NOL4: variants seen among roughly 807,000 people sequenced by gnomAD.
NOL4 encodes nucleolar protein 4.
Under a neutral mutation model 75.9 loss-of-function variants are expected in NOL4, and 17 were observed. The ratio of observed to expected loss-of-function variants is 0.22; its 90% confidence interval spans 0.15 to 0.34. NOL4 has a LOEUF of 0.34. NOL4 is among the 10% of genes least tolerant of loss of function. The pLI is 1.00. For missense variants in NOL4, 614 were observed against 793.5 expected, an observed-to-expected ratio of 0.77 and a Z score of 2.72; for synonymous variants, 292 against 289.9, an observed-to-expected ratio of 1.01 and a Z score of -0.07.
chr18:34,107,118 C>T (rs2079326823), intron 2 of NOL4, among the ~76,000 whole-genome samples: 1 of 152,098 alleles, frequency 6.6e-6, no homozygotes, highest in African/African-American at 2.4e-5. Context: ...TCTCTTTTCC[C>T]CATGCTAATG....
rs968810089 is a variant in NOL4, at chr18:34,049,080, A to G, written c.773-29479T>C. ...AGGTTAGATACAGGCGCGCGCACAC[A>G]CACACACACACACACACACACACAC... On this transcript the variant is annotated intron_variant, in intron 5 of 10. Transcript: ENST00000261592. Among the ~76,000 whole-genome samples the G allele has an allele frequency of 3.7e-3, 426 of 115,286 alleles. 1 individual carries two copies. Among genetic ancestry groups the G allele is most frequent in the Non-Finnish European group, 5.6e-3 (289 of 51,716 alleles). 75.6% of individuals were successfully genotyped at this position (115,286 alleles called of 152,430 possible).
At chr18:33,934,868 T>TG (rs1381437909) in intron 9 of NOL4, among the ~76,000 whole-genome samples, 1 of 150,556 alleles carries the variant, frequency 6.6e-6, no homozygotes, top group African/African-American at 2.4e-5. Flanking sequence ...GCACGTTTTT[T>TG]TTTTTTTTTT....
At chr18:34,072,436 C>T (rs2077563796) in intron 5 of NOL4, among the ~76,000 whole-genome samples, 1 of 146,352 alleles carries the variant, frequency 6.8e-6, no homozygotes, top group African/African-American at 2.5e-5. Context: ...TTAATAACAA[C>T]TTCAGTATAC....
intron 10 of NOL4, among the ~76,000 whole-genome samples, chr18:33,867,024 T>C (rs2144403075): frequency 6.6e-6 from 1 of 152,280 alleles, no homozygotes; most frequent in East Asian, 1.9e-4. Context: ...GAGAATCTTA[T>C]GATTTGTACT....
At chr18:34,083,700 C>T (rs1288108902) in intron 5 of NOL4, among the ~76,000 whole-genome samples, 1 of 152,126 alleles carries the variant, frequency 6.6e-6, no homozygotes, top group African/African-American at 2.4e-5. Flanking sequence ...ATATTTATGG[C>T]TGAGAGGTCT....
At chr18:34,191,141 T>C (rs1321905621) in intron 1 of NOL4, among the ~76,000 whole-genome samples, 1 of 152,124 alleles carries the variant, frequency 6.6e-6, no homozygotes, top group African/African-American at 2.4e-5. Flanking sequence ...GTCGTGGACA[T>C]GTGATAAAAC....
chr18:34,148,877 T>C (rs1271238922), intron 1 of NOL4, among the ~76,000 whole-genome samples: 1 of 151,982 alleles, frequency 6.6e-6, no homozygotes, highest in African/African-American at 2.4e-5. Flanking sequence ...AGGACTTGCT[T>C]TATAAATCTG....
At chr18:33,875,738 T>G (rs1440364197) in intron 10 of NOL4, among the ~76,000 whole-genome samples, 2 of 151,074 alleles carry the variant, frequency 1.3e-5, no homozygotes, top group African/African-American at 2.4e-5. Context: ...TTGATATCAT[T>G]CTATTTTTTC....
rs1237182931 is a variant in NOL4, at chr18:33,999,776, C to T, written c.1056+19542G>A. On this transcript the variant is annotated intron_variant, in intron 6 of 10. Coordinates refer to ENST00000261592, the MANE Select transcript of NOL4 (RefSeq NM_003787.5). ...AAGCAATTCTCCTGTCTCAGCCTCC[C>T]GAGTAGCTGGAACTACAGGCATGTA... Among the ~76,000 whole-genome samples, 11 of 152,004 alleles carry T rather than the reference C, an allele frequency of 7.2e-5. No homozygotes were observed. In the East Asian group the frequency reaches 7.8e-4, roughly 11 times the overall value.
intron 1 of NOL4, among the ~76,000 whole-genome samples, chr18:34,204,757 T>C (rs2036002162): frequency 6.6e-6 from 1 of 152,014 alleles, no homozygotes; most frequent in Non-Finnish European, 1.5e-5. Context: ...ATACCAATTA[T>C]ATAAGAAAAA....
rs2065917981 is a variant in NOL4 at position 33,904,489 on chromosome 18, G to A, written c.1543-21065C>T. ...TCATGTTATCCCTCCTCCCTTTTATGGTTTAGAGAAAATAACTCAGCAGAC... is the reference window on the plus strand; with the variant it reads ...TCATGTTATCCCTCCTCCCTTTTATAGTTTAGAGAAAATAACTCAGCAGAC... On this transcript the variant is annotated intron_variant, in intron 9 of 10. Coordinates refer to ENST00000261592, the MANE Select transcript of NOL4 (RefSeq NM_003787.5). Among the ~76,000 whole-genome samples, 3 of 151,976 alleles carry A rather than the reference G, an allele frequency of 2.0e-5. No individual in the cohort carries two copies. In the South Asian group the frequency reaches 6.2e-4, roughly 32 times the overall value.
intron 10 of NOL4, among the ~76,000 whole-genome samples, chr18:33,880,648 T>C (rs2064209343): frequency 6.6e-6 from 1 of 152,064 alleles, no homozygotes; most frequent in Non-Finnish European, 1.5e-5. Flanking sequence ...TTTCATTTTG[T>C]ATGTTCTTAG....
At chr18:34,075,372 G>C (rs1296995075) in intron 5 of NOL4, among the ~76,000 whole-genome samples, 1 of 152,118 alleles carries the variant, frequency 6.6e-6, no homozygotes, top group Non-Finnish European at 1.5e-5. Flanking sequence ...AGAGAATCTA[G>C]GAGTGTGCAG....
rs776079353 is a variant in NOL4 at position 34,105,152 on chromosome 18, C to T, written c.423G>A (p.Glu141=). ...GQKRTYKAIS[E]SYAFLPREAV... Reference sequence around the variant, plus strand: ...CTTCTCTTGGTAGGAAGGCATAGCTCTCTGAAATCTGAAATGATTCACAAA... The same window carrying T: ...CTTCTCTTGGTAGGAAGGCATAGCTTTCTGAAATCTGAAATGATTCACAAA... The change falls in exon 3 of 11, where the codon GAG becomes GAA. Residue 141 remains glutamate, a synonymous_variant. Transcript: ENST00000261592. 8 of 1,604,168 alleles carry T rather than the reference C, an allele frequency of 5.0e-6. No homozygotes were observed. In the African/African-American group the frequency reaches 1.1e-4, roughly 21 times the overall value.
At chr18:34,126,399 T>TTA (rs2080391428) in intron 2 of NOL4, among the ~76,000 whole-genome samples, 1 of 152,166 alleles carries the variant, frequency 6.6e-6, no homozygotes, top group Non-Finnish European at 1.5e-5. Flanking sequence ...TTATTGGCAG[T>TTA]TATATATATG....
At chr18:33,873,606 T>G (rs1467485726) in intron 10 of NOL4, among the ~76,000 whole-genome samples, 1 of 152,032 alleles carries the variant, frequency 6.6e-6, no homozygotes. Flanking sequence ...CTTCAAGTGA[T>G]TATCTCCATG....
chr18:33,933,879 T>C (rs2067873985), intron 9 of NOL4, among the ~76,000 whole-genome samples: 1 of 152,170 alleles, frequency 6.6e-6, no homozygotes, highest in South Asian at 2.1e-4. Flanking sequence ...ATATTCTTAA[T>C]GGCATCTAGA....
chr18:33,898,651 G>A (rs767246211), intron 9 of NOL4, among the ~76,000 whole-genome samples: 11 of 152,120 alleles, frequency 7.2e-5, no homozygotes, highest in Middle Eastern at 3.2e-3. Flanking sequence ...TTGTCAATGC[G>A]TAACTTCAAA....
At chr18:34,018,817 T>C (rs2074859626) in intron 6 of NOL4, among the ~76,000 whole-genome samples, 1 of 152,146 alleles carries the variant, frequency 6.6e-6, no homozygotes, top group Non-Finnish European at 1.5e-5. Context: ...ATCCACAAAC[T>C]TCATCCAGGA....
Sources: gnomAD v4.1 joint callset for allele counts (sites outside exome capture counted in the v4.1 genomes callset) on GRCh38, gnomAD v4.1.1 for gene constraint, MANE v1.5 for transcripts, NCBI Gene and HGNC (gene_info 2026-07-23, HGNC 2026-07-21) for gene names.